Variants in DHX57 observed in about 807,000 individuals in gnomAD.
The protein encoded by DHX57 is DExH-box helicase 57.
Under a neutral mutation model 156.2 loss-of-function variants are expected in DHX57, and 105 were observed. That is an observed-to-expected ratio of 0.67 (90% CI 0.57 to 0.79). The LOEUF is 0.79. DHX57 is among the 30% of genes least tolerant of loss of function. The pLI is 0.00. For synonymous variants in DHX57, 704 were observed against 595.6 expected (o/e 1.18, Z -2.65); for missense variants, 1,847 against 1,661.9 (o/e 1.11, Z -1.94).
At position 38,819,040 on chromosome 2, in the gene DHX57, T is replaced by C; in HGVS notation, c.3387+9A>G. On this transcript the variant is annotated intron_variant, in intron 18 of 23. Transcript: ENST00000457308. ...GTAATAAAACTAAGCTATTAGGTTATATACTTACCTTATACGCTTGTAGAA... is the reference window on the plus strand; with the variant it reads ...GTAATAAAACTAAGCTATTAGGTTACATACTTACCTTATACGCTTGTAGAA... The C allele has an allele frequency of 1.2e-6, 2 of 1,614,122 alleles. No homozygotes were observed. The highest frequency in any genetic ancestry group is 1.7e-6 in the Non-Finnish European group (2 of 1,179,944).
At chr2:38,860,603 G>A (rs1484695762) in intron 5 of DHX57, among the ~76,000 whole-genome samples, 2 of 152,046 alleles carry the variant, frequency 1.3e-5, no homozygotes, top group Non-Finnish European at 2.9e-5. Flanking sequence ...TATGGATAGT[G>A]GTATAGAAAG....
chr2:38,827,204 C>T (rs1466319373), intron 14 of DHX57, among the ~76,000 whole-genome samples: 1 of 151,544 alleles, frequency 6.6e-6, no homozygotes, highest in Non-Finnish European at 1.5e-5. Flanking sequence ...TTACTTAGTT[C>T]TAGGAACCAA....
chr2:38,808,398 ATCTT>A (rs1351387008), intron 21 of DHX57, among the ~76,000 whole-genome samples: 1 of 152,138 alleles, frequency 6.6e-6, no homozygotes, highest in Non-Finnish European at 1.5e-5. Context: ...CTAAAATAGA[ATCTT>A]TTTTTATAGC....
intron 21 of DHX57, chr2:38,811,630 G>A: frequency 7.4e-7 from 1 of 1,349,404 alleles, no homozygotes; most frequent in Non-Finnish European, 1.0e-6. Flanking sequence ...CTGTAGGCCA[G>A]AACCATGGAG....
intron 12 of DHX57, among the ~76,000 whole-genome samples, chr2:38,839,360 T>G (rs1422135343): frequency 6.6e-6 from 1 of 151,874 alleles, no homozygotes; most frequent in Non-Finnish European, 1.5e-5. Context: ...AAAATAACTA[T>G]AGTTGGTACC....
At chr2:38,803,120 G>T in intron 22 of DHX57, 25 of 514,816 alleles carry the variant, frequency 4.9e-5, no homozygotes, top group South Asian at 1.6e-4. Context: ...TCACACTTGT[G>T]TTTAAAAAAA....
chr2:38,870,557 G>A (rs745732420), intron 1 of DHX57, among the ~76,000 whole-genome samples: 4 of 152,178 alleles, frequency 2.6e-5, no homozygotes, highest in African/African-American at 9.7e-5. Flanking sequence ...AGGGCAGAAG[G>A]TAATGACATA....
At position 38,848,369 on chromosome 2, in the gene DHX57, T is replaced by C. The variant is rs887337035; in HGVS notation, c.2064A>G (p.Val688=). ...TAACTTGAAGACCTGGCCTCTGCGA[T>C]ACAATGTCCTTCAAAACTAGCAGCA... The part of the protein sequence containing the change: ...DFLLLVLKDI[V]SQRPGLQVIL... Residue 688 remains valine (V), a synonymous_variant, in exon 10 of 24, where the codon GTA becomes GTG. Coordinates refer to ENST00000457308, the MANE Select transcript of DHX57 (RefSeq NM_198963.3). 1.4e-5 allele frequency: 22 copies of C among 1,607,384 alleles called. No individual in the cohort carries two copies. The highest frequency in any genetic ancestry group is 2.7e-5 in the African/African-American group (2 of 74,612).
chr2:38,817,142 G>A (rs1258215401), intron 19 of DHX57, among the ~76,000 whole-genome samples: 2 of 152,062 alleles, frequency 1.3e-5, no homozygotes, highest in Non-Finnish European at 2.9e-5. Context: ...ATGTTGCCCG[G>A]GCTGGTCTCG....
At chr2:38,858,626 G>C (rs774267334) in intron 6 of DHX57, 35 bp downstream of exon 6, 2 of 1,573,398 alleles carry the variant, frequency 1.3e-6, no homozygotes, top group East Asian at 4.7e-5. Context: ...AGATATTAGG[G>C]AGGCAACGTT....
intron 2 of DHX57, 121 bp from the exon 3 acceptor site, chr2:38,863,640 A>T: frequency 1.1e-6 from 1 of 893,184 alleles, no homozygotes; most frequent in South Asian, 2.1e-5. Flanking sequence ...ACAAAAGATG[A>T]CAATGAATGT....
At chr2:38,872,965 A>G (rs781484316) in intron 1 of DHX57, among the ~76,000 whole-genome samples, 2 of 152,112 alleles carry the variant, frequency 1.3e-5, no homozygotes, top group Non-Finnish European at 2.9e-5. Flanking sequence ...TATAGACCAT[A>G]CTAGGTGATA....
At chr2:38,812,637 G>A (rs1282734599) in intron 21 of DHX57, among the ~76,000 whole-genome samples, 14 of 151,846 alleles carry the variant, frequency 9.2e-5, no homozygotes, top group African/African-American at 2.9e-4. Context: ...GGGTTTAAGC[G>A]ATTCTCCTGC....
chr2:38,817,257 T>C (rs1453219710), intron 19 of DHX57, among the ~76,000 whole-genome samples: 1 of 151,974 alleles, frequency 6.6e-6, no homozygotes, highest in Non-Finnish European at 1.5e-5. Context: ...AAAACATGCT[T>C]TGCAAAGATG....
Position 38,863,417 on chromosome 2 carries a change from C to T in DHX57, c.327G>A (p.Glu109=). 2 of 1,614,026 alleles carry T rather than the reference C, an allele frequency of 1.2e-6. No homozygotes were observed. The highest frequency in any genetic ancestry group is 1.7e-6 in the Non-Finnish European group (2 of 1,180,016). ...GGTCTCGGAGAAGAGCTTTCACTTT[C>T]TCTTGATTCTCAGAAGTCATATGTA... ...QTLHMTSENQ[E]KVKALLRDLQ... The change falls in exon 3 of 24, where the codon GAG becomes GAA. Residue 109 remains glutamate (E), a synonymous_variant. Transcript: ENST00000457308.
At chr2:38,868,731 T>C (rs188820740) in intron 1 of DHX57, among the ~76,000 whole-genome samples, 67 of 152,316 alleles carry the variant, frequency 4.4e-4, no homozygotes, top group African/African-American at 1.6e-3. Flanking sequence ...CATAAACACA[T>C]GGAGAAGTGT....
chr2:38,863,805 G>C (rs2124937389), intron 2 of DHX57, among the ~76,000 whole-genome samples: 1 of 152,260 alleles, frequency 6.6e-6, no homozygotes, highest in Admixed American at 6.5e-5. Flanking sequence ...CTGAGGTCAG[G>C]AGTTTCAGAC....
At chr2:38,807,152 T>G (rs1669985891) in intron 21 of DHX57, among the ~76,000 whole-genome samples, 1 of 152,024 alleles carries the variant, frequency 6.6e-6, no homozygotes, top group South Asian at 2.1e-4. Context: ...CCTCCCAGGT[T>G]CATGCAATTC....
intron 21 of DHX57, chr2:38,811,405 G>GC: frequency 1.7e-6 from 1 of 572,666 alleles, no homozygotes; most frequent in South Asian, 1.5e-5. Context: ...GAAGAGAGGG[G>GC]CCCAGGAGGT....
Sources: allele counts gnomAD v4.1 joint callset (sites outside exome capture counted in the v4.1 genomes callset), GRCh38; gene constraint gnomAD v4.1.1; transcripts MANE v1.5; gene names NCBI Gene and HGNC (gene_info 2026-07-23, HGNC 2026-07-21).